The following NECTIN2 variants were observed in gnomAD, a reference collection of about 807,000 sequenced individuals.
NECTIN2 encodes the protein nectin cell adhesion molecule 2, also known as nectin-2.
In NECTIN2, 23 loss-of-function variants were observed where a neutral mutation model predicts 56.9. That is an observed-to-expected ratio of 0.40 (90% CI 0.29 to 0.57). The LOEUF is 0.57. NECTIN2 is among the 20% of genes least tolerant of loss of function. The probability of loss-of-function intolerance (pLI) is 0.38; values close to 1 mark genes in which losing one functional copy is unlikely to be tolerated. For missense variants in NECTIN2, 587 were observed against 718.3 expected (o/e 0.82, Z 2.09); for synonymous variants, 302 against 313.8 (o/e 0.96, Z 0.40).
chr19:44,882,204 C>A lies in NECTIN2; in HGVS notation c.1043-7C>A, dbSNP rs889208440. ...GAGACCCCCTCACGCTGTCCCTCTC[C>A]TTGCAGAGACCCCCAACACAGCAGG... On this transcript the variant is annotated splice_region_variant and splice_polypyrimidine_tract_variant and intron_variant, in intron 5 of 8. Transcript: ENST00000252483. The A allele has an allele frequency of 1.4e-6, 2 of 1,452,254 alleles. No individual in the cohort carries two copies. Among genetic ancestry groups the A allele is most frequent in the Non-Finnish European group, 1.8e-6 (2 of 1,092,748 alleles). 90.0% of individuals were successfully genotyped at this position (1,452,254 alleles called of 1,614,324 possible).
At chr19:44,877,467 G>A (rs548185829) in intron 5 of NECTIN2, among the ~76,000 whole-genome samples, 35 of 152,162 alleles carry the variant, frequency 2.3e-4, no homozygotes, top group Admixed American at 3.9e-4. Flanking sequence ...CTCAGCCCCT[G>A]CAGGGAGCAC....
chr19:44,870,685 A>C (rs1346486482), intron 2 of NECTIN2, among the ~76,000 whole-genome samples: 5 of 150,734 alleles, frequency 3.3e-5, no homozygotes, highest in Admixed American at 3.3e-4. Context: ...TTTGAACCAC[A>C]GTACTCAGTT....
chr19:44,850,682 A>T (rs918328434), intron 1 of NECTIN2, among the ~76,000 whole-genome samples: 1 of 151,536 alleles, frequency 6.6e-6, no homozygotes, highest in African/African-American at 2.4e-5. Flanking sequence ...AGAGGAGGCC[A>T]GGGGGCAGGT....
Position 44,865,141 on chromosome 19 carries a change from T to A in NECTIN2, c.89-130T>A. 1 of 987,662 alleles carries A rather than the reference T, an allele frequency of 1.0e-6. No individual in the cohort carries two copies. Among genetic ancestry groups the A allele is most frequent in the Non-Finnish European group, 1.5e-6 (1 of 671,730 alleles). The allele number at this position is 987,662 out of a possible 1,614,324, so 61.2% of individuals were successfully genotyped here. A position where few individuals can be genotyped will look rare whatever the true frequency, so the allele number is the denominator to read the frequency against. On this transcript the variant is annotated intron_variant, in intron 1 of 8. Transcript: ENST00000252483. This position sits in a 1 kb window ranked among gnomAD's most constrained non-coding sequence, Gnocchi z 5.2. The stretch of plus-strand genomic sequence containing the variant: ...CCAGGTGGCTTTTTTGGAATCAGGA[T>A]GCTGCGAAGCTGCCTACGTTGCATG...
At chr19:44,854,974 C>T (rs1286892304) in intron 1 of NECTIN2, among the ~76,000 whole-genome samples, 10 of 144,036 alleles carry the variant, frequency 6.9e-5, no homozygotes, top group African/African-American at 2.6e-4. Context: ...AAAAATTAGC[C>T]GGGCGTCGTG....
Position 44,874,602 on chromosome 19 carries a change from C to A in NECTIN2, c.1042+124C>A. The A allele has an allele frequency of 8.0e-7, 1 of 1,255,980 alleles. No individual in the cohort carries two copies. 77.8% of individuals were successfully genotyped at this position (1,255,980 alleles called of 1,614,324 possible). ...CGACCTGGGAGGGATGCAGACCTGC[C>A]TGGCTGAGGGGAGATGAGGGTTGGC... On this transcript the variant is annotated intron_variant, in intron 5 of 8. Coordinates refer to ENST00000252483, the MANE Select transcript of NECTIN2 (RefSeq NM_001042724.2). This position sits in a 1 kb window ranked among gnomAD's most constrained non-coding sequence, Gnocchi z 6.3.
rs2122691238 is a variant in NECTIN2, at chr19:44,874,464, T to A, written c.1028T>A (p.Val343Asp). 6.2e-7 allele frequency: 1 copy of A among 1,613,686 alleles called. No individual in the cohort carries two copies. Among genetic ancestry groups the A allele is most frequent in the South Asian group, 1.1e-5 (1 of 91,076 alleles). ...NAVGMGRAEQ[V>D]IFVRETPNTA... ...GTGGGCATGGGCCGCGCTGAGCAGG[T>A]CATCTTTGTCCGAGGTGAGTGGGTC... The change falls in exon 5 of 9, where the codon GTC (valine) becomes GAC (aspartate). Residue 343 changes from valine (V) to aspartate (D), a missense_variant. Coordinates refer to ENST00000252483, the MANE Select transcript of NECTIN2 (RefSeq NM_001042724.2). The surrounding 1 kb of genome is among the most constrained non-coding windows in gnomAD (Gnocchi z 6.3).
rs777248215 is a variant in NECTIN2, at chr19:44,874,018, G to A, written c.878G>A (p.Gly293Asp). ...GTCCGCAGCAACCCAGAGCCCACGG[G>A]CTATGACTGGAGCACGTGAGTCACG... Reference protein sequence around the residue: ...CDVRSNPEPTGYDWSTTSGTF... With the variant: ...CDVRSNPEPTDYDWSTTSGTF... Residue 293 changes from glycine to aspartate, a missense_variant, in exon 4 of 9, where the codon GGC becomes GAC. Transcript: ENST00000252483. This position sits in a 1 kb window ranked among gnomAD's most constrained non-coding sequence, Gnocchi z 6.3. 2.5e-6 allele frequency: 4 copies of A among 1,613,322 alleles called. No homozygotes were observed. Among genetic ancestry groups the A allele is most frequent in the Middle Eastern group, 1.7e-4 (1 of 6,060 alleles).
At position 44,846,347 on chromosome 19, in the gene NECTIN2, C is replaced by T. The variant is rs182001411; in HGVS notation, c.-179C>T. 5.5e-3 allele frequency: 3,988 copies of T among 724,036 alleles called. 42 individuals carry two copies. Among genetic ancestry groups the T allele is most frequent in the African/African-American group, 0.026 (1,360 of 52,898 alleles). The allele number at this position is 724,036 out of a possible 1,614,324, so 44.9% of individuals were successfully genotyped here. On this transcript the variant is annotated 5_prime_UTR_variant, in exon 1 of 9. Transcript: ENST00000252483. ...GGAGCTGAGCGAGAGGCCGGGGGTG[C>T]CGAGCCGGGCGGGGAGAGCTGGGCC... is the stretch of plus-strand genomic sequence containing the variant.
chr19:44,867,540 G>T (rs1340297073), intron 2 of NECTIN2, among the ~76,000 whole-genome samples: 1 of 152,186 alleles, frequency 6.6e-6, no homozygotes, highest in African/African-American at 2.4e-5. Context: ...TAGAAGTAGG[G>T]GACATAGTGG....
chr19:44,860,723 G>T (rs931531432), intron 1 of NECTIN2, among the ~76,000 whole-genome samples: 1 of 151,104 alleles, frequency 6.6e-6, no homozygotes, highest in African/African-American at 2.4e-5. Flanking sequence ...TGCAACCTCC[G>T]CCTCCTGGGT....
intron 1 of NECTIN2, among the ~76,000 whole-genome samples, chr19:44,858,175 G>C (rs1026964953): frequency 1.1e-4 from 16 of 152,024 alleles, no homozygotes; most frequent in Non-Finnish European, 1.2e-4. Flanking sequence ...GTTGGGTGGG[G>C]GTGGCCCCTC....
Position 44,885,828 on chromosome 19 carries a change from G to C in NECTIN2, c.1197-109G>C, listed in dbSNP as rs1969354509. The C allele has an allele frequency of 4.6e-5, 40 of 861,232 alleles. No individual in the cohort carries two copies. In the South Asian group the frequency reaches 5.1e-4, roughly 11 times the overall value. 53.3% of individuals were successfully genotyped at this position (861,232 alleles called of 1,614,324 possible). On this transcript the variant is annotated intron_variant, in intron 6 of 8. Transcript: ENST00000252483. ...AACTCTTACTCCAGGCAAGAAAAGG[G>C]GGCAGGGGAAAGGGAGACCCAGGTA...
chr19:44,883,571 A>T (rs1035674231), intron 6 of NECTIN2, among the ~76,000 whole-genome samples: 13 of 152,208 alleles, frequency 8.5e-5, no homozygotes, highest in African/African-American at 3.1e-4. Flanking sequence ...CACTGCGCCC[A>T]GCCAATGCCA....
rs1199121316 is a variant in NECTIN2 at position 44,865,630 on chromosome 19, G to A, written c.448G>A (p.Val150Ile). ...GTTTGCCACCTTCCCCAAGGGGTCC[G>A]TCCGAGGGATGACCTGGCTCAGAGT... ...CEFATFPKGS[V>I]RGMTWLRVIA... Residue 150 changes from valine to isoleucine, a missense_variant, in exon 2 of 9, where the codon GTC (valine) becomes ATC (isoleucine). Transcript: ENST00000252483. The surrounding 1 kb of genome is among the most constrained non-coding windows in gnomAD (Gnocchi z 5.2). The A allele has an allele frequency of 3.3e-6, 5 of 1,535,642 alleles. No homozygotes were observed. Among genetic ancestry groups the A allele is most frequent in the Non-Finnish European group, 4.4e-6 (5 of 1,145,058 alleles).
At chr19:44,855,120 A>C (rs1968950390) in intron 1 of NECTIN2, among the ~76,000 whole-genome samples, 1 of 141,012 alleles carries the variant, frequency 7.1e-6, no homozygotes, top group Non-Finnish European at 1.5e-5. Flanking sequence ...TCCGTCTCAA[A>C]AAAAAAAAAA....
In NECTIN2 at chr19:44,888,369, T is replaced by A. The variant is rs765502215; in HGVS notation, c.1607T>A (p.Met536Lys). 4.3e-6 allele frequency: 7 copies of A among 1,610,242 alleles called. No individual in the cohort carries two copies. Among genetic ancestry groups the A allele is most frequent in the Non-Finnish European group, 5.9e-6 (7 of 1,176,904 alleles). The change falls in exon 9 of 9, where the codon ATG becomes AAG. Residue 536 changes from methionine to lysine, a missense_variant. Met to Lys is a moderately conservative substitution (Grantham distance 95). Coordinates refer to ENST00000252483, the MANE Select transcript of NECTIN2 (RefSeq NM_001042724.2). ...QGKGFVMSRA[M>K]YV ...AAAGGCTTTGTCATGTCCCGGGCCA[T>A]GTATGTGTGAGCTGCCATGCGCCTG...
Position 44,888,341 on chromosome 19 carries a change from G to A in NECTIN2, c.1579G>A (p.Gly527Ser). ...SYSSPSDSYQ[G>S]KGFVMSRAMY... ...TAGCAGCCCCTCTGATTCCTACCAG[G>A]GCAAAGGCTTTGTCATGTCCCGGGC... The change falls in exon 9 of 9, where the codon GGC (glycine) becomes AGC (serine). Residue 527 changes from glycine to serine, a missense_variant. Transcript: ENST00000252483. 2 of 1,613,810 alleles carry A rather than the reference G, an allele frequency of 1.2e-6. No homozygotes were observed. Among genetic ancestry groups the A allele is most frequent in the Admixed American group, 1.7e-5 (1 of 59,994 alleles).
chr19:44,866,973 G>C (rs889704955), intron 2 of NECTIN2, among the ~76,000 whole-genome samples: 3 of 152,052 alleles, frequency 2.0e-5, no homozygotes, highest in Admixed American at 1.3e-4. Flanking sequence ...AGGAATTTGA[G>C]ACCATCCTAG....
Sources: gnomAD v4.1 joint callset for allele counts (sites outside exome capture counted in the v4.1 genomes callset) on GRCh38, gnomAD v4.1.1 for gene constraint, Gnocchi (gnomAD v3.1) non-coding constraint, MANE v1.5 for transcripts, NCBI Gene and HGNC (gene_info 2026-07-23, HGNC 2026-07-21) for gene names.